DSP: variants seen among roughly 807,000 people sequenced by gnomAD.
DSP encodes 250/210 kDa paraneoplastic pemphigus antigen.
In DSP, 114 loss-of-function variants were observed where a neutral mutation model predicts 290.6. The ratio of observed to expected loss-of-function variants is 0.39; its 90% confidence interval spans 0.34 to 0.46. The LOEUF (loss-of-function observed/expected upper bound fraction) is 0.46. DSP is among the 20% of genes least tolerant of loss of function. The probability of loss-of-function intolerance (pLI) is 0.99; values close to 1 mark genes in which losing one functional copy is unlikely to be tolerated. For missense variants in DSP, 3,230 were observed against 3,495.8 expected, an observed-to-expected ratio of 0.92 and a Z score of 1.92; for synonymous variants, 1,311 against 1,316.4, an observed-to-expected ratio of 1.00 and a Z score of 0.09.
Position 7,572,051 on chromosome 6 carries a change from A to G in DSP, c.2113A>G (p.Lys705Glu), listed in dbSNP as rs1759073881. The G allele has an allele frequency of 1.2e-6, 2 of 1,614,158 alleles. 1 individual carries two copies. Among genetic ancestry groups the G allele is most frequent in the Non-Finnish European group, 1.7e-6 (2 of 1,179,998 alleles). Residue 705 changes from lysine to glutamate, a missense_variant, in exon 15 of 24, where the codon AAA (lysine) becomes GAA (glutamate). Physicochemically the swap from Lys to Glu is moderately conservative, Grantham distance 56. Coordinates refer to ENST00000379802, the MANE Select transcript of DSP (RefSeq NM_004415.4). ...DQGSSHHITVKINELKSVQND... is the reference protein window; with the variant it reads ...DQGSSHHITVEINELKSVQND... ...GGGATCTTCTCACCACATCACAGTG[A>G]AAATTAACGAGCTTAAGGTAGGTAT...
chr6:7,563,769 G>A lies in DSP; in HGVS notation c.760G>A (p.Glu254Lys). 1 of 1,613,834 alleles carries A rather than the reference G, an allele frequency of 6.2e-7. No individual in the cohort carries two copies. The highest frequency in any genetic ancestry group is 8.5e-7 in the Non-Finnish European group (1 of 1,179,728). ...ATCTGCGATCTACCAGTTGGAGGAGGAGTATGAAAACCTGCTGGTAAGCTG... is the reference window on the plus strand; with the variant it reads ...ATCTGCGATCTACCAGTTGGAGGAGAAGTATGAAAACCTGCTGGTAAGCTG... The part of the protein sequence containing the change: ...EKSAIYQLEE[E>K]YENLLKASFE... The change falls in exon 6 of 24, where the codon GAG becomes AAG. Residue 254 changes from glutamate to lysine, a missense_variant. Coordinates refer to ENST00000379802, the MANE Select transcript of DSP (RefSeq NM_004415.4).
In DSP at chr6:7,565,100, C is replaced by T. The variant is rs1422251014; in HGVS notation, c.778-259C>T. ...GGGAGGTTGCAGTGAACCGAGATCG[C>T]TCATGCCACTGCACTCCAGCCTGGG... On this transcript the variant is annotated intron_variant, in intron 6 of 23. Transcript: ENST00000379802. This position sits in a 1 kb window ranked among gnomAD's most constrained non-coding sequence, Gnocchi z 4.2. 2.6e-5 allele frequency among the ~76,000 whole-genome samples: 4 copies of T among 152,042 alleles called. No homozygotes were observed. The highest frequency in any genetic ancestry group is 4.4e-5 in the Non-Finnish European group (3 of 67,984).
chr6:7,578,464 G>T lies in DSP; in HGVS notation c.2986G>T (p.Ala996Ser), dbSNP rs1254054471. 1 of 1,612,414 alleles carries T rather than the reference G, an allele frequency of 6.2e-7. No homozygotes were observed. The highest frequency in any genetic ancestry group is 8.5e-7 in the Non-Finnish European group (1 of 1,179,204). The change falls in exon 22 of 24, where the codon GCT becomes TCT. Residue 996 changes from alanine (A) to serine (S), a missense_variant and splice_region_variant. Ala to Ser is a moderately conservative substitution (Grantham distance 99, BLOSUM62 1). Around this residue, in one of 5 missense-constraint regions of DSP, gnomAD observed 1,714 missense variants for 1,844.5 expected, o/e 0.93. Coordinates refer to ENST00000379802, the MANE Select transcript of DSP (RefSeq NM_004415.4). ...QSPSGVILQEAADVHARYIEL... is the reference protein window; with the variant it reads ...QSPSGVILQESADVHARYIEL... ...CTTTCTTTCCTTCCTTTTCTCCAAG[G>T]CTGCAGATGTTCATGCTCGGTACAT...
intron 18 of DSP, among the ~76,000 whole-genome samples, chr6:7,575,779 C>T (rs1458503662): frequency 1.3e-5 from 2 of 152,116 alleles, no homozygotes; most frequent in Admixed American, 6.5e-5. Context: ...TGTTATGACT[C>T]TTGGAAGGAG....
rs1320349488 is a variant in DSP at position 7,542,000 on chromosome 6, G to A, written c.85G>A (p.Glu29Lys). 4 of 1,597,314 alleles carry A rather than the reference G, an allele frequency of 2.5e-6. No individual in the cohort carries two copies. The highest frequency in any genetic ancestry group is 1.7e-5 in the Admixed American group (1 of 58,010). Residue 29 changes from glutamate to lysine, a missense_variant, in exon 1 of 24, where the codon GAG becomes AAG. By Grantham distance (56) the Glu-to-Lys change is moderately conservative (BLOSUM62 1). Coordinates refer to ENST00000379802, the MANE Select transcript of DSP (RefSeq NM_004415.4). ...RAESGPDLRY[E>K]VTSGGGGTSR... The stretch of plus-strand genomic sequence containing the variant: ...CGAGTCTGGCCCGGACCTGCGCTAC[G>A]AGGTGACCAGCGGCGGCGGGGGCAC...
chr6:7,577,047 G>A lies in DSP; in HGVS notation c.2877+5G>A. On this transcript the variant is annotated splice_donor_5th_base_variant and intron_variant, in intron 20 of 23. Coordinates refer to ENST00000379802, the MANE Select transcript of DSP (RefSeq NM_004415.4). ...CTTTGCGCCAATTCAATTAAGGTAT[G>A]TTGGTTTCATAAAGAATGTTGGTAT... The A allele has an allele frequency of 6.2e-7, 1 of 1,604,218 alleles. No homozygotes were observed. The highest frequency in any genetic ancestry group is 1.1e-5 in the South Asian group (1 of 89,102).
At position 7,580,631 on chromosome 6, in the gene DSP, A is replaced by G. The variant is rs1759400634; in HGVS notation, c.4441A>G (p.Lys1481Glu). 1.9e-6 allele frequency: 3 copies of G among 1,614,170 alleles called. No homozygotes were observed. Among genetic ancestry groups the G allele is most frequent in the East Asian group, 2.2e-5 (1 of 44,890 alleles). Residue 1481 changes from lysine to glutamate, a missense_variant, in exon 23 of 24, where the codon AAG (lysine) becomes GAG (glutamate). By Grantham distance (56) the Lys-to-Glu change is moderately conservative (BLOSUM62 1). This residue lies in a region of DSP where 1,714 missense variants were observed against 1,844.5 expected (regional missense o/e 0.93). Coordinates refer to ENST00000379802, the MANE Select transcript of DSP (RefSeq NM_004415.4). This position sits in a 1 kb window ranked among gnomAD's most constrained non-coding sequence, Gnocchi z 4.2. The stretch of plus-strand genomic sequence containing the variant: ...TGCCAAAACCATCCAGGATAAAAAC[A>G]AGGAGATAGAAAGGTTAAAACAACT... ...DAAKTIQDKN[K>E]EIERLKQLID...
chr6:7,572,480 C>G (rs1759085947), intron 15 of DSP, among the ~76,000 whole-genome samples: 1 of 152,160 alleles, frequency 6.6e-6, no homozygotes, highest in Non-Finnish European at 1.5e-5. Flanking sequence ...GCTCCTAACT[C>G]AGTGATGTTT....
intron 10 of DSP, 87 bp from the exon 11 acceptor site, chr6:7,568,350 C>A: frequency 2.1e-6 from 3 of 1,428,264 alleles, no homozygotes; most frequent in Non-Finnish European, 3.0e-6. Context: ...CTCAGTGTGT[C>A]ATGTAGCTAC....
At position 7,580,870 on chromosome 6, in the gene DSP, G is replaced by A; in HGVS notation, c.4680G>A (p.Gln1560=). 6.2e-7 allele frequency: 1 copy of A among 1,614,154 alleles called. No homozygotes were observed. Among genetic ancestry groups the A allele is most frequent in the Non-Finnish European group, 8.5e-7 (1 of 1,180,044 alleles). The change falls in exon 23 of 24, where the codon CAG becomes CAA. Residue 1560 remains glutamine, a synonymous_variant. Transcript: ENST00000379802. The surrounding 1 kb of genome is among the most constrained non-coding windows in gnomAD (Gnocchi z 4.2). ...TVKDQDITRF[Q]NSLKELQLQK... ...AGGACCAGGATATCACGCGGTTCCA[G>A]AACTCTCTGAAAGAGCTGCAGCTGC...
rs1758339792 is a variant in DSP, at chr6:7,551,433, G to C, written c.171-4285G>C. Among the ~76,000 whole-genome samples, 3 of 152,082 alleles carry C rather than the reference G, an allele frequency of 2.0e-5. No homozygotes were observed. The South Asian group carries it at 6.2e-4, about 32-fold the overall frequency. ...CTTGAGGTCAGGAGTTTGAGACCAG[G>C]CTGGCCAAAATTTGGTGAAACCCTG... On this transcript the variant is annotated intron_variant, in intron 1 of 23. Coordinates refer to ENST00000379802, the MANE Select transcript of DSP (RefSeq NM_004415.4).
chr6:7,570,466 C>T lies in DSP; in HGVS notation c.1604C>T (p.Ala535Val). ...GAGCAGTACTACGAAGCCATCTTGGCTCTGTGGAACCAGCTCTACATCAAC... is the reference window on the plus strand; with the variant it reads ...GAGCAGTACTACGAAGCCATCTTGGTTCTGTGGAACCAGCTCTACATCAAC... ...KIEQYYEAILALWNQLYINMK... is the reference protein window; with the variant it reads ...KIEQYYEAILVLWNQLYINMK... Residue 535 changes from alanine (A) to valine (V), a missense_variant, in exon 13 of 24, where the codon GCT becomes GTT. By Grantham distance (64) the Ala-to-Val change is moderately conservative. This residue lies in a region of DSP where 646 missense variants were observed against 684.3 expected (regional missense o/e 0.94). Coordinates refer to ENST00000379802, the MANE Select transcript of DSP (RefSeq NM_004415.4). 6.2e-7 allele frequency: 1 copy of T among 1,614,118 alleles called. No individual in the cohort carries two copies. The highest frequency in any genetic ancestry group is 8.5e-7 in the Non-Finnish European group (1 of 1,180,024).
intron 1 of DSP, among the ~76,000 whole-genome samples, chr6:7,553,353 A>G (rs897004701): frequency 6.6e-6 from 1 of 151,920 alleles, no homozygotes; most frequent in South Asian, 2.1e-4. Flanking sequence ...CTAAGAGACA[A>G]CTCTTTCATT....
chr6:7,564,036 G>C (rs1171366460), intron 6 of DSP, among the ~76,000 whole-genome samples: 1 of 152,214 alleles, frequency 6.6e-6, no homozygotes, highest in East Asian at 1.9e-4. Flanking sequence ...GACCTCAAGT[G>C]ATCCGCCCGC....
At chr6:7,544,143 G>T (rs1376861540) in intron 1 of DSP, among the ~76,000 whole-genome samples, 1 of 152,208 alleles carries the variant, frequency 6.6e-6, no homozygotes, top group Non-Finnish European at 1.5e-5. Flanking sequence ...GAGTCGGGAG[G>T]CGGTCATTCT....
chr6:7,541,883 G>A lies in DSP; in HGVS notation c.-33G>A, dbSNP rs750478953. On this transcript the variant is annotated 5_prime_UTR_variant, in exon 1 of 24. Transcript: ENST00000379802. Reference sequence around the variant, plus strand: ...CGCCGGCCCGCCTCGCTTATGCCTCGGCGCTGAGCCGCTCTCCCGATTGCC... The same window carrying A: ...CGCCGGCCCGCCTCGCTTATGCCTCAGCGCTGAGCCGCTCTCCCGATTGCC... The A allele has an allele frequency of 4.4e-6, 7 of 1,592,630 alleles. No individual in the cohort carries two copies. The Middle Eastern group carries it at 5.6e-4, about 127-fold the overall frequency.
At chr6:7,558,389 T>G in intron 3 of DSP, 125 bp downstream of exon 3, 8 of 1,390,256 alleles carry the variant, frequency 5.8e-6, no homozygotes, top group Non-Finnish European at 7.9e-6. Context: ...AGGAAAGGTT[T>G]GCTTACTTGG....
chr6:7,544,088 A>G (rs1758099961), intron 1 of DSP, among the ~76,000 whole-genome samples: 1 of 152,120 alleles, frequency 6.6e-6, no homozygotes. Flanking sequence ...TTTTCTTCTC[A>G]TTAATGTTGC....
intron 3 of DSP, among the ~76,000 whole-genome samples, 159 bp downstream of exon 3, chr6:7,558,423 C>G (rs1758570182): frequency 6.6e-6 from 1 of 151,670 alleles, no homozygotes; most frequent in Non-Finnish European, 1.5e-5. Context: ...TATTATGTAT[C>G]TCTAATACAA....
Sources: allele counts gnomAD v4.1 joint callset (sites outside exome capture counted in the v4.1 genomes callset), GRCh38; gene constraint gnomAD v4.1.1; regional missense constraint gnomAD v4.1.1; non-coding constraint Gnocchi (gnomAD v3.1); transcripts MANE v1.5; gene names NCBI Gene and HGNC (gene_info 2026-07-23, HGNC 2026-07-21).